Variants in TMEM260 observed in about 807,000 individuals in gnomAD.
The protein encoded by TMEM260 is protein O-mannosyl-transferase TMEM260.
A neutral mutation model predicts 88.9 loss-of-function variants in TMEM260; 82 were observed. The ratio of observed to expected loss-of-function variants is 0.92; its 90% confidence interval spans 0.77 to 1.11. TMEM260 has a LOEUF of 1.11. TMEM260 is among the 50% of genes least tolerant of loss of function. The probability of loss-of-function intolerance (pLI) is 0.00; values close to 1 mark genes in which losing one functional copy is unlikely to be tolerated. For missense variants in TMEM260, 902 were observed against 853.4 expected, an observed-to-expected ratio of 1.06 and a Z score of -0.71; for synonymous variants, 314 against 309.3, an observed-to-expected ratio of 1.02 and a Z score of -0.16.
At chr14:56,652,676 C>CT (rs1330382052), downstream of TMEM260, among the ~76,000 whole-genome samples, 3 of 152,094 alleles carry the variant, frequency 2.0e-5, no homozygotes, top group Non-Finnish European at 4.4e-5. Flanking sequence ...GCATAAAAAA[C>CT]TGAGTTCAAT....
At chr14:56,636,041 G>A (rs1889036581) in intron 14 of TMEM260, among the ~76,000 whole-genome samples, 1 of 152,074 alleles carries the variant, frequency 6.6e-6, no homozygotes, top group Non-Finnish European at 1.5e-5. Context: ...AGAAGAAAGA[G>A]GTCATTATTT....
chr14:56,636,171 T>C (rs1889049116), intron 14 of TMEM260, among the ~76,000 whole-genome samples: 1 of 152,156 alleles, frequency 6.6e-6, no homozygotes, highest in African/African-American at 2.4e-5. Context: ...TTGGGTACCT[T>C]CAGGGATGTG....
chr14:56,620,280 C>G (rs759277648), intron 10 of TMEM260, among the ~76,000 whole-genome samples: 65 of 152,144 alleles, frequency 4.3e-4, no homozygotes, highest in Non-Finnish European at 8.8e-5. Flanking sequence ...CACGTGTACC[C>G]TGAACATAAA....
chr14:56,581,009 A>G (rs1216821375), intron 1 of TMEM260, among the ~76,000 whole-genome samples: 2 of 152,176 alleles, frequency 1.3e-5, no homozygotes, highest in East Asian at 1.9e-4. Context: ...TCGTACTCAG[A>G]AAAAGGTTGC....
intron 15 of TMEM260, among the ~76,000 whole-genome samples, chr14:56,641,011 A>T (rs749215058): frequency 2.0e-4 from 31 of 152,120 alleles, no homozygotes; most frequent in Non-Finnish European, 4.0e-4. Flanking sequence ...GAAATATGGG[A>T]CTATGAAAAG....
Position 56,603,856 on chromosome 14 carries a change from TG to T in TMEM260, c.387del (p.Ser131HisfsTer5). On this transcript the variant is annotated frameshift_variant, in exon 4 of 16. Coordinates refer to ENST00000261556, the MANE Select transcript of TMEM260 (RefSeq NM_017799.4). LOFTEE classifies it high-confidence loss of function. ...GCTGGAGGAATCCTTGCTGCGGGGGTGTTTTCATTTTCTCGTCTAACATGGC... is the reference window on the plus strand; with the variant it reads ...GCTGGAGGAATCCTTGCTGCGGGGGTTTTTCATTTTCTCGTCTAACATGGC... ...SSAGGILAAGVFSFSRLTWQW... is the reference protein window; with the variant it reads ...SSAGGILAAGXFSFSRLTWQW... 6.2e-7 allele frequency: 1 copy of T among 1,613,812 alleles called. No homozygotes were observed. The highest frequency in any genetic ancestry group is 8.5e-7 in the Non-Finnish European group (1 of 1,179,848).
At chr14:56,596,137 T>A (rs565192773) in intron 3 of TMEM260, among the ~76,000 whole-genome samples, 1 of 152,038 alleles carries the variant, frequency 6.6e-6, no homozygotes, top group Admixed American at 6.5e-5. Context: ...GACCAAAACA[T>A]CTTTTGTCTT....
chr14:56,590,668 G>A (rs187031851), intron 3 of TMEM260, among the ~76,000 whole-genome samples: 131 of 152,300 alleles, frequency 8.6e-4, no homozygotes, highest in Non-Finnish European at 1.6e-3. Context: ...ATATCACAGC[G>A]GCAGCAGATA....
At chr14:56,605,109 G>A (rs937445619) in intron 4 of TMEM260, among the ~76,000 whole-genome samples, 1 of 152,162 alleles carries the variant, frequency 6.6e-6, no homozygotes, top group Non-Finnish European at 1.5e-5. Flanking sequence ...TTTGGTCAAC[G>A]AGAGAATCTT....
intron 11 of TMEM260, among the ~76,000 whole-genome samples, chr14:56,621,907 C>T (rs1185155189): frequency 6.6e-6 from 1 of 151,956 alleles, no homozygotes; most frequent in East Asian, 1.9e-4. Flanking sequence ...ACACTAGTTG[C>T]TTCTTTCTCA....
chr14:56,625,678 A>G, intron 12 of TMEM260, 148 bp downstream of exon 12: 1 of 623,072 alleles, frequency 1.6e-6, no homozygotes. Flanking sequence ...TAAATTGAAT[A>G]TCTGTGCATA....
intron 3 of TMEM260, among the ~76,000 whole-genome samples, chr14:56,589,437 T>C (rs932189759): frequency 2.0e-5 from 3 of 152,140 alleles, no homozygotes; most frequent in Admixed American, 6.6e-5. Context: ...ATTCAGTGCT[T>C]ATTTTAAAGA....
chr14:56,657,474 A>G, the TMEM260 span, among the ~76,000 whole-genome samples: 1 of 152,094 alleles, frequency 6.6e-6, no homozygotes, highest in Admixed American at 6.6e-5. Flanking sequence ...TTTAATAAAC[A>G]TTTTTTGAGC....
At position 56,627,519 on chromosome 14, in the gene TMEM260, TA is replaced by T. The variant is rs1411663400; in HGVS notation, c.1547+1990del. On this transcript the variant is annotated intron_variant, in intron 12 of 15. Coordinates refer to ENST00000261556, the MANE Select transcript of TMEM260 (RefSeq NM_017799.4). ...TCTAATTTTAACTATAATAAAATTA[TA>T]CCTACAACAACTGCTTTTGTATATG... 4.6e-5 allele frequency among the ~76,000 whole-genome samples: 7 copies of T among 152,212 alleles called. No homozygotes were observed. The South Asian group carries it at 1.4e-3, about 32-fold the overall frequency.
rs867997529 is a variant in TMEM260, at chr14:56,579,818, C to A, written c.-97C>A. 1.7e-6 allele frequency: 2 copies of A among 1,173,078 alleles called. No homozygotes were observed. Among genetic ancestry groups the A allele is most frequent in the South Asian group, 8.7e-5 (2 of 22,916 alleles). The allele number at this position is 1,173,078 out of a possible 1,614,324, so 72.7% of individuals were successfully genotyped here. A position where few individuals can be genotyped will look rare whatever the true frequency, so the allele number is the denominator to read the frequency against. Reference sequence around the variant, plus strand: ...GGCTCGACCCGGAAGCCGCCGTGGCCGCCGCACAAGCTGCGCTCGTCTCTC... The same window carrying A: ...GGCTCGACCCGGAAGCCGCCGTGGCAGCCGCACAAGCTGCGCTCGTCTCTC... On this transcript the variant is annotated 5_prime_UTR_variant, in exon 1 of 16. Transcript: ENST00000261556.
At chr14:56,637,714 G>A (rs148821667) in intron 15 of TMEM260, among the ~76,000 whole-genome samples, 1 of 152,322 alleles carries the variant, frequency 6.6e-6, no homozygotes, top group East Asian at 1.9e-4. Flanking sequence ...AAATAGCATG[G>A]TGTCCAATCA....
chr14:56,644,912 A>G (rs1254549821), intron 15 of TMEM260, among the ~76,000 whole-genome samples: 2 of 152,244 alleles, frequency 1.3e-5, no homozygotes, highest in African/African-American at 2.4e-5. Flanking sequence ...ATCACTGGCC[A>G]TCAGAGAAAT....
At chr14:56,604,858 T>C (rs1177669870) in intron 4 of TMEM260, among the ~76,000 whole-genome samples, 1 of 152,178 alleles carries the variant, frequency 6.6e-6, no homozygotes, top group South Asian at 2.1e-4. Flanking sequence ...GGAAAATTAC[T>C]GAGAGGAAGC....
At chr14:56,615,167 A>G (rs1447304829) in intron 7 of TMEM260, among the ~76,000 whole-genome samples, 1 of 152,198 alleles carries the variant, frequency 6.6e-6, no homozygotes, top group Non-Finnish European at 1.5e-5. Context: ...TCATTAGTAA[A>G]ATACACATTG....
Sources: gnomAD v4.1 joint callset for allele counts (sites outside exome capture counted in the v4.1 genomes callset) on GRCh38, gnomAD v4.1.1 for gene constraint, MANE v1.5 for transcripts, NCBI Gene and HGNC (gene_info 2026-07-23, HGNC 2026-07-21) for gene names.